The following RARB variants were observed in gnomAD, a reference collection of about 807,000 sequenced individuals.
RARB encodes retinoic acid receptor beta.
RARB carries 17 observed loss-of-function variants against 51.9 expected under a neutral mutation model. The ratio of observed to expected loss-of-function variants is 0.33; its 90% CI spans 0.22 to 0.49. The LOEUF is 0.49. Ranked by LOEUF, RARB falls within the 20% of genes least tolerant of loss-of-function variation. The probability of loss-of-function intolerance (pLI) is 0.99; values close to 1 mark genes in which losing one functional copy is unlikely to be tolerated. For missense variants in RARB, 369 were observed against 550.8 expected, an observed-to-expected ratio of 0.67 and a Z score of 3.30; for synonymous variants, 215 against 195.4, an observed-to-expected ratio of 1.10 and a Z score of -0.84.
At chr3:24,918,512 A>G (rs190203861) in intron 2 of RARB, among the ~76,000 whole-genome samples, 1 of 152,346 alleles carries the variant, frequency 6.6e-6, no homozygotes, top group East Asian at 1.9e-4. Context: ...ACCAAAAACC[A>G]TTAAATTATA....
intron 2 of RARB, among the ~76,000 whole-genome samples, chr3:24,908,325 A>C (rs967768011): frequency 2.6e-5 from 4 of 152,180 alleles, no homozygotes; most frequent in African/African-American, 9.7e-5. Flanking sequence ...TTTTTTGCAA[A>C]TGCCTATTTT....
At chr3:25,038,082 T>C (rs1404839682) in intron 2 of RARB, among the ~76,000 whole-genome samples, 2 of 152,190 alleles carry the variant, frequency 1.3e-5, no homozygotes, top group Non-Finnish European at 2.9e-5. Flanking sequence ...CTATTAACTG[T>C]CATGCCCACT....
intron 5 of RARB, among the ~76,000 whole-genome samples, chr3:25,283,110 T>A (rs941853427): frequency 1.3e-5 from 2 of 152,182 alleles, no homozygotes; most frequent in Non-Finnish European, 2.9e-5. Flanking sequence ...CATTTACCCA[T>A]CTGAGTCTCC....
At chr3:25,351,720 CT>C (rs768039500) in intron 5 of RARB, among the ~76,000 whole-genome samples, 7 of 152,092 alleles carry the variant, frequency 4.6e-5, no homozygotes, top group East Asian at 1.9e-4. Context: ...TCCTCCATGT[CT>C]TTTTGTTTTC....
At chr3:24,835,517 AG>A (rs1342289447) in intron 1 of RARB, among the ~76,000 whole-genome samples, 2 of 152,242 alleles carry the variant, frequency 1.3e-5, no homozygotes, top group Non-Finnish European at 2.9e-5. Flanking sequence ...CTGTACTAAA[AG>A]TTCGGCACAT....
intron 2 of RARB, among the ~76,000 whole-genome samples, chr3:25,026,440 A>G (rs1340777152): frequency 6.6e-6 from 1 of 152,170 alleles, no homozygotes; most frequent in African/African-American, 2.4e-5. Context: ...TTTGGCTTGT[A>G]GGTGGCTCCC....
At chr3:25,274,171 A>G (rs904477971) in intron 5 of RARB, among the ~76,000 whole-genome samples, 3 of 152,242 alleles carry the variant, frequency 2.0e-5, no homozygotes, top group Admixed American at 6.5e-5. Flanking sequence ...AATATGTTTC[A>G]TTTAACCCAG....
intron 2 of RARB, among the ~76,000 whole-genome samples, chr3:24,992,705 C>T (rs950455822): frequency 1.6e-4 from 24 of 152,264 alleles, no homozygotes; most frequent in African/African-American, 5.8e-4. Context: ...CCGTGTCTTC[C>T]CGTTTCCCTC....
intron 5 of RARB, among the ~76,000 whole-genome samples, chr3:25,583,294 C>T (rs1011896941): frequency 3.3e-5 from 5 of 152,220 alleles, no homozygotes; most frequent in Admixed American, 1.3e-4. Context: ...GAAGAATCTT[C>T]TTATCTAAGT....
chr3:25,127,044 G>A (rs1699871374), intron 3 of RARB, among the ~76,000 whole-genome samples: 1 of 152,010 alleles, frequency 6.6e-6, no homozygotes, highest in Non-Finnish European at 1.5e-5. Flanking sequence ...CACCACTCCA[G>A]TCAGGTCCAT....
At chr3:25,366,722 G>A (rs1343853625) in intron 5 of RARB, among the ~76,000 whole-genome samples, 1 of 152,194 alleles carries the variant, frequency 6.6e-6, no homozygotes, top group Non-Finnish European at 1.5e-5. Context: ...TTGCCTACAT[G>A]TTCTGGGTCT....
intron 3 of RARB, among the ~76,000 whole-genome samples, chr3:25,070,457 A>G (rs1475546497): frequency 6.6e-6 from 1 of 152,236 alleles, no homozygotes; most frequent in Non-Finnish European, 1.5e-5. Context: ...CAGTTCAATA[A>G]GCACTTAACT....
chr3:24,976,767 A>C (rs1696522440), intron 2 of RARB, among the ~76,000 whole-genome samples: 1 of 152,230 alleles, frequency 6.6e-6, no homozygotes, highest in Non-Finnish European at 1.5e-5. Flanking sequence ...TAGTTTAATT[A>C]GATCCCATTT....
At chr3:24,848,133 C>T (rs1471707174) in intron 1 of RARB, among the ~76,000 whole-genome samples, 1 of 152,226 alleles carries the variant, frequency 6.6e-6, no homozygotes, top group Non-Finnish European at 1.5e-5. Context: ...AATCTCGGCT[C>T]ATTGCAACCT....
At chr3:25,158,877 C>A (rs943276098) in intron 4 of RARB, among the ~76,000 whole-genome samples, 9 of 151,932 alleles carry the variant, frequency 5.9e-5, no homozygotes, top group African/African-American at 2.2e-4. Flanking sequence ...TGTATTGAAC[C>A]CTCTGCATTC....
chr3:25,060,912 A>G (rs1698536440), intron 3 of RARB, among the ~76,000 whole-genome samples: 1 of 151,928 alleles, frequency 6.6e-6, no homozygotes, highest in Non-Finnish European at 1.5e-5. Flanking sequence ...GGGATGGGGT[A>G]AAAGCAGAAT....
chr3:24,832,628 A>AATATATATATGTATATATATATAT (rs1491243106), intron 1 of RARB, among the ~76,000 whole-genome samples: 1 of 88,456 alleles, frequency 1.1e-5, no homozygotes, highest in African/African-American at 4.6e-5. Flanking sequence ...ATTGAGTCCC[A>AATATATATATGTATATATATATAT]ATATATATAT....
chr3:25,135,980 T>A (rs1192814871), intron 4 of RARB, among the ~76,000 whole-genome samples: 6 of 151,976 alleles, frequency 3.9e-5, no homozygotes, highest in Non-Finnish European at 5.9e-5. Flanking sequence ...CAAGAAGATG[T>A]TTAAGAAGTC....
At chr3:25,169,156 A>C (rs1232707159) in intron 4 of RARB, among the ~76,000 whole-genome samples, 1 of 152,228 alleles carries the variant, frequency 6.6e-6, no homozygotes, top group Non-Finnish European at 1.5e-5. Context: ...AGAGTCTCAA[A>C]AAATTTACCT....
Sources: allele counts gnomAD v4.1 joint callset (sites outside exome capture counted in the v4.1 genomes callset), GRCh38; gene constraint gnomAD v4.1.1; transcripts MANE v1.5; gene names NCBI Gene and HGNC (gene_info 2026-07-23, HGNC 2026-07-21).